TLN2: variants seen among roughly 807,000 people sequenced by gnomAD.
TLN2 encodes talin-2.
In TLN2, 118 loss-of-function variants were observed where a neutral mutation model predicts 294.7. The observed-to-expected ratio is 0.40, with a 90% CI of 0.34 to 0.47. The LOEUF (loss-of-function observed/expected upper bound fraction) is 0.47. TLN2 is among the 20% of genes least tolerant of loss of function. TLN2 has a pLI of 0.84. For synonymous variants in TLN2, 1,431 were observed against 1,304.5 expected, an observed-to-expected ratio of 1.10 and a Z score of -2.09; for missense variants, 3,083 against 3,282.2, an observed-to-expected ratio of 0.94 and a Z score of 1.48.
At chr15:62,741,748 C>CGCGCGTGCGCGTGTGTGTGTGTGT in intron 32 of TLN2, among the ~76,000 whole-genome samples, 5 of 131,072 alleles carry the variant, frequency 3.8e-5, no homozygotes, top group African/African-American at 1.5e-4. Context: ...AAAATTTGCG[C>CGCGCGTGCGCGTGTGTGTGTGTGT]GTGTGTGTGT....
intron 26 of TLN2, among the ~76,000 whole-genome samples, chr15:62,723,929 G>T (rs1052816113): frequency 6.6e-6 from 1 of 151,898 alleles, no homozygotes; most frequent in Non-Finnish European, 1.5e-5. Flanking sequence ...TGGGTGGATT[G>T]CTTGAGTCCA....
chr15:62,481,871 A>C (rs2038119229), intron 1 of TLN2, among the ~76,000 whole-genome samples: 1 of 139,004 alleles, frequency 7.2e-6, no homozygotes, highest in Non-Finnish European at 1.5e-5. Flanking sequence ...ATCTCAGCTC[A>C]TTGCAACCTC....
At chr15:62,825,754 TAATTATAATTA>T (rs1406588453) in intron 54 of TLN2, among the ~76,000 whole-genome samples, 3 of 104,416 alleles carry the variant, frequency 2.9e-5, no homozygotes, top group South Asian at 5.2e-4. Flanking sequence ...ATATTAAATA[TAATTATAATTA>T]TATATTATAT....
chr15:62,638,535 G>T (rs750482310), intron 3 of TLN2: 5 of 456,070 alleles, frequency 1.1e-5, no homozygotes, highest in Admixed American at 2.3e-5. Context: ...GTTCACTGTG[G>T]CAGTGTGAGA....
intron 1 of TLN2, among the ~76,000 whole-genome samples, chr15:62,443,375 A>G (rs1194308605): frequency 1.3e-5 from 2 of 152,148 alleles, no homozygotes; most frequent in African/African-American, 4.8e-5. Context: ...ACCATTAACA[A>G]TTTCTGTTGG....
intron 19 of TLN2, among the ~76,000 whole-genome samples, chr15:62,703,625 G>A (rs11071686): frequency 0.04 from 3,140 of 78,224 alleles, 44 homozygotes; most frequent in East Asian, 0.086. Flanking sequence ...ACACACACGC[G>A]CGCACACACA....
intron 19 of TLN2, among the ~76,000 whole-genome samples, chr15:62,704,862 C>T (rs999127922): frequency 6.6e-6 from 1 of 152,158 alleles, no homozygotes; most frequent in East Asian, 1.9e-4. Context: ...TATTTGTAGG[C>T]AGGTACCTAT....
chr15:62,549,667 G>A (rs1229578285), intron 1 of TLN2, among the ~76,000 whole-genome samples: 1 of 152,208 alleles, frequency 6.6e-6, no homozygotes, highest in African/African-American at 2.4e-5. Flanking sequence ...TATACTGTAT[G>A]TAGTGTGCTG....
chr15:62,707,421 C>A (rs1191284319), intron 20 of TLN2, among the ~76,000 whole-genome samples, 168 bp downstream of exon 20: 1 of 152,210 alleles, frequency 6.6e-6, no homozygotes, highest in African/African-American at 2.4e-5. Flanking sequence ...CGGTCAAATT[C>A]TGCTTTTATC....
At chr15:62,604,692 TTC>T (rs2047283338) in intron 2 of TLN2, among the ~76,000 whole-genome samples, 2 of 126,604 alleles carry the variant, frequency 1.6e-5, no homozygotes, top group Admixed American at 8.1e-5. Flanking sequence ...TCTCTTCGTC[TTC>T]TTTTTTTTTT....
intron 34 of TLN2, among the ~76,000 whole-genome samples, chr15:62,750,795 C>T (rs1040341856): frequency 6.6e-6 from 1 of 152,120 alleles, no homozygotes; most frequent in African/African-American, 2.4e-5. Flanking sequence ...GGTCCAGGAA[C>T]CATACTTTGA....
rs1417935048 is a variant in TLN2 at position 62,739,519 on chromosome 15, G to A, written c.3859G>A (p.Gly1287Ser). Residue 1287 changes from glycine (G) to serine (S), a missense_variant, in exon 31 of 59, where the codon GGC becomes AGC. Gly to Ser is a moderately conservative substitution (Grantham distance 56). Transcript: ENST00000636159. ...TGATTTTGATGAATTCCTCGATGCT[G>A]GCATTGAGATGGCTGGCCAAGCTCA... ...SDDFDEFLDA[G>S]IEMAGQAQTK... The A allele has an allele frequency of 6.2e-7, 1 of 1,614,210 alleles. No individual in the cohort carries two copies. Among genetic ancestry groups the A allele is most frequent in the Non-Finnish European group, 8.5e-7 (1 of 1,180,024 alleles).
chr15:62,801,177 A>C (rs552056405), intron 50 of TLN2, among the ~76,000 whole-genome samples: 2 of 152,296 alleles, frequency 1.3e-5, no homozygotes, highest in African/African-American at 4.8e-5. Flanking sequence ...GCAAAATTGG[A>C]AGTCTGCCGT....
At chr15:62,677,884 C>T (rs1013999326) in intron 11 of TLN2, among the ~76,000 whole-genome samples, 1 of 144,456 alleles carries the variant, frequency 6.9e-6, no homozygotes, top group African/African-American at 2.6e-5. Context: ...CAACCTCCGC[C>T]TCCTGTGTTC....
At chr15:62,577,697 A>AT (rs199686644) in intron 1 of TLN2, among the ~76,000 whole-genome samples, 105 of 150,752 alleles carry the variant, frequency 7.0e-4, no homozygotes, top group African/African-American at 2.3e-3. Flanking sequence ...ACTTATAAAA[A>AT]TTTTTTTTTA....
intron 2 of TLN2, among the ~76,000 whole-genome samples, chr15:62,598,303 A>G (rs1442002497): frequency 1.3e-5 from 2 of 152,150 alleles, no homozygotes; most frequent in Non-Finnish European, 2.9e-5. Flanking sequence ...TATAGGTGGG[A>G]AAAGACTTCT....
intron 1 of TLN2, among the ~76,000 whole-genome samples, chr15:62,527,562 C>G (rs184760227): frequency 6.6e-6 from 1 of 152,294 alleles, no homozygotes; most frequent in East Asian, 1.9e-4. Context: ...AGTGGTAAGT[C>G]ATTCCCAAAG....
At chr15:62,483,903 C>T (rs542514436) in intron 1 of TLN2, among the ~76,000 whole-genome samples, 1 of 152,236 alleles carries the variant, frequency 6.6e-6, no homozygotes. Context: ...GGCAGCGTTT[C>T]TTTGGCCAGC....
At chr15:62,682,277 C>A (rs1255867653) in intron 11 of TLN2, among the ~76,000 whole-genome samples, 1 of 152,172 alleles carries the variant, frequency 6.6e-6, no homozygotes, top group East Asian at 1.9e-4. Flanking sequence ...TGTAATTTTT[C>A]TCGCACAAAA....
Sources: allele counts gnomAD v4.1 joint callset (sites outside exome capture counted in the v4.1 genomes callset), GRCh38; gene constraint gnomAD v4.1.1; transcripts MANE v1.5; gene names NCBI Gene and HGNC (gene_info 2026-07-23, HGNC 2026-07-21).